The following OLFML2A variants were observed in gnomAD, a reference collection of about 807,000 sequenced individuals.
The protein encoded by OLFML2A is olfactomedin like 2A.
OLFML2A carries 47 observed loss-of-function variants against 60.9 expected under a neutral mutation model. The observed-to-expected ratio is 0.77, with a 90% CI of 0.61 to 0.98. OLFML2A has a LOEUF of 0.98. OLFML2A is among the 50% of genes least tolerant of loss of function. OLFML2A has a pLI of 0.00. For synonymous variants in OLFML2A, 372 were observed against 375.0 expected (o/e 0.99, Z 0.09); for missense variants, 922 against 879.8 (o/e 1.05, Z -0.61).
intron 7 of OLFML2A, among the ~76,000 whole-genome samples, chr9:124,808,805 G>A (rs1422998874): frequency 6.6e-6 from 1 of 152,006 alleles, no homozygotes; most frequent in Non-Finnish European, 1.5e-5. Flanking sequence ...GGGCAGGCCT[G>A]GTGAGCCAGA....
chr9:124,786,091 G>T (rs886330474), intron 1 of OLFML2A, among the ~76,000 whole-genome samples: 3 of 152,102 alleles, frequency 2.0e-5, no homozygotes, highest in African/African-American at 7.2e-5. Context: ...TCCAACCTGG[G>T]CCAAACAGCA....
intron 2 of OLFML2A, among the ~76,000 whole-genome samples, chr9:124,792,991 G>T (rs1476457867): frequency 6.6e-6 from 1 of 152,222 alleles, no homozygotes; most frequent in Non-Finnish European, 1.5e-5. Context: ...TTCCAGCACA[G>T]CCTCCCGCCC....
chr9:124,809,928 G>A lies in OLFML2A; in HGVS notation c.1475G>A (p.Arg492Gln), dbSNP rs778599770. 49 of 1,614,052 alleles carry A rather than the reference G, an allele frequency of 3.0e-5. No homozygotes were observed. In the Middle Eastern group the frequency reaches 1.5e-3, roughly 49 times the overall value. ...AAGAACATCATCAAGTACGACCTAC[G>A]GCAGCGCTTCGTGGCCTCCTGGGCG... is the stretch of plus-strand genomic sequence containing the variant. ...FTKNIIKYDL[R>Q]QRFVASWALL... Residue 492 changes from arginine to glutamine, a missense_variant, in exon 8 of 8, where the codon CGG (arginine) becomes CAG (glutamine). Transcript: ENST00000373580.
In OLFML2A at chr9:124,777,468, C is replaced by T. The variant is rs1841279673; in HGVS notation, c.90+108C>T. Reference sequence around the variant, plus strand: ...GAGCCCGGGGCCAGGGCGGAGGAGCCGGGAGCTGAGAGACCGAACCTGGGA... The same window carrying T: ...GAGCCCGGGGCCAGGGCGGAGGAGCTGGGAGCTGAGAGACCGAACCTGGGA... On this transcript the variant is annotated intron_variant, in intron 1 of 7. Transcript: ENST00000373580. The surrounding 1 kb of genome is among the most constrained non-coding windows in gnomAD (Gnocchi z 6.2). 9 of 1,131,922 alleles carry T rather than the reference C, an allele frequency of 8.0e-6. No individual in the cohort carries two copies. The South Asian group carries it at 3.6e-4, about 45-fold the overall frequency. The allele number at this position is 1,131,922 out of a possible 1,614,324, so 70.1% of individuals were successfully genotyped here. A position where few individuals can be genotyped will look rare whatever the true frequency, so the allele number is the denominator to read the frequency against.
rs1003259682 is a variant in OLFML2A at position 124,777,408 on chromosome 9, G to A, written c.90+48G>A. The A allele has an allele frequency of 8.2e-7, 1 of 1,224,420 alleles. No individual in the cohort carries two copies. The highest frequency in any genetic ancestry group is 1.0e-6 in the Non-Finnish European group (1 of 982,272). 75.8% of individuals were successfully genotyped at this position (1,224,420 alleles called of 1,614,324 possible). A position where few individuals can be genotyped will look rare whatever the true frequency, so the allele number is the denominator to read the frequency against. ...CGCGGCTCGGCGGGTAGCGGGGCGC[G>A]AGGGGGCGCTGTGGCTGGGGTGCGG... is the stretch of plus-strand genomic sequence containing the variant. On this transcript the variant is annotated intron_variant, in intron 1 of 7. Coordinates refer to ENST00000373580, the MANE Select transcript of OLFML2A (RefSeq NM_182487.4). This position sits in a 1 kb window ranked among gnomAD's most constrained non-coding sequence, Gnocchi z 6.2.
At chr9:124,791,016 C>A (rs1209323683) in intron 2 of OLFML2A, among the ~76,000 whole-genome samples, 1 of 152,178 alleles carries the variant, frequency 6.6e-6, no homozygotes, top group African/African-American at 2.4e-5. Context: ...TGGAGGGTGC[C>A]TTTTCACCTC....
intron 6 of OLFML2A, among the ~76,000 whole-genome samples, chr9:124,806,103 T>G (rs1260012009): frequency 6.6e-6 from 1 of 151,850 alleles, no homozygotes; most frequent in African/African-American, 2.4e-5. Context: ...CAGAAGAAAA[T>G]TTTTCTCTGG....
chr9:124,814,772 C>A lies in OLFML2A; in HGVS notation c.*4360C>A, dbSNP rs1842083839. ...TTTCTGCTTTTACCTTTACCCTAAT[C>A]TTTTTATTTTTATGCTATTGTACTT... On this transcript the variant is annotated 3_prime_UTR_variant, in exon 8 of 8. Transcript: ENST00000373580. The A allele has an allele frequency of 6.6e-6, 1 of 152,100 alleles. No individual in the cohort carries two copies. Among genetic ancestry groups the A allele is most frequent in the Non-Finnish European group, 1.5e-5 (1 of 68,012 alleles). The allele number at this position is 152,100 out of a possible 1,614,324, so 9.4% of individuals were successfully genotyped here.
At chr9:124,805,781 ATTGTTG>A (rs974310542) in intron 6 of OLFML2A, among the ~76,000 whole-genome samples, 2 of 87,932 alleles carry the variant, frequency 2.3e-5, no homozygotes, top group Non-Finnish European at 5.2e-5. Context: ...TTTTATTATT[ATTGTTG>A]TTGTTGTTTT....
At position 124,779,072 on chromosome 9, in the gene OLFML2A, A is replaced by G. The variant is rs1003336325; in HGVS notation, c.90+1712A>G. On this transcript the variant is annotated intron_variant, in intron 1 of 7. Transcript: ENST00000373580. This position sits in a 1 kb window ranked among gnomAD's most constrained non-coding sequence, Gnocchi z 4.1. ...AAAGCACCCACGTACAACGCTGCTC[A>G]TGTACTCCAGAGACAAGGAGGGAAT... 4 of 368,346 alleles carry G rather than the reference A, an allele frequency of 1.1e-5. No individual in the cohort carries two copies. The highest frequency in any genetic ancestry group is 1.5e-5 in the Non-Finnish European group (4 of 266,112). The allele number at this position is 368,346 out of a possible 1,614,324, so 22.8% of individuals were successfully genotyped here.
At position 124,810,431 on chromosome 9, in the gene OLFML2A, C is replaced by G. The variant is rs7020260; in HGVS notation, c.*19C>G. 1 allele frequency: 1,570,745 copies of G among 1,576,682 alleles called. 782,577 individuals carry two copies. The highest frequency in any genetic ancestry group is 1 in the East Asian group (44,446 of 44,446). On this transcript the variant is annotated 3_prime_UTR_variant, in exon 8 of 8. Coordinates refer to ENST00000373580, the MANE Select transcript of OLFML2A (RefSeq NM_182487.4). ...GGTCTGAGTGGAGACCTGTGCTCCCCGGAGAGGGGCAGCAGTGCGGGAGGG... is the reference window on the plus strand; with the variant it reads ...GGTCTGAGTGGAGACCTGTGCTCCCGGGAGAGGGGCAGCAGTGCGGGAGGG...
chr9:124,783,703 A>G (rs918696455), intron 1 of OLFML2A, among the ~76,000 whole-genome samples: 3 of 152,176 alleles, frequency 2.0e-5, no homozygotes, highest in African/African-American at 7.2e-5. Flanking sequence ...ATGCAGGCTC[A>G]TTTACCCAAC....
intron 6 of OLFML2A, among the ~76,000 whole-genome samples, chr9:124,806,251 G>A (rs1261435096): frequency 6.6e-6 from 1 of 152,068 alleles, no homozygotes; most frequent in African/African-American, 2.4e-5. Flanking sequence ...AAAATTGTAT[G>A]TGTTCATTTG....
Position 124,809,934 on chromosome 9 carries a change from G to C in OLFML2A, c.1481G>C (p.Arg494Pro). 1 of 1,614,164 alleles carries C rather than the reference G, an allele frequency of 6.2e-7. No homozygotes were observed. The highest frequency in any genetic ancestry group is 8.5e-7 in the Non-Finnish European group (1 of 1,180,030). Reference protein sequence around the residue: ...KNIIKYDLRQRFVASWALLPD... With the variant: ...KNIIKYDLRQPFVASWALLPD... ...ATCATCAAGTACGACCTACGGCAGC[G>C]CTTCGTGGCCTCCTGGGCGCTGCTG... The change falls in exon 8 of 8, where the codon CGC (arginine) becomes CCC (proline). Residue 494 changes from arginine (R) to proline (P), a missense_variant. By Grantham distance (103) the Arg-to-Pro change is moderately radical (BLOSUM62 -2). Coordinates refer to ENST00000373580, the MANE Select transcript of OLFML2A (RefSeq NM_182487.4).
intron 7 of OLFML2A, among the ~76,000 whole-genome samples, chr9:124,809,581 C>T (rs938573895): frequency 4.0e-5 from 6 of 151,724 alleles, no homozygotes; most frequent in Non-Finnish European, 7.4e-5. Context: ...CAGAGCTGGG[C>T]GACCTTGATC....
Position 124,807,854 on chromosome 9 carries a change from C to T in OLFML2A, c.1242C>T (p.His414=), listed in dbSNP as rs767514710. ...TGAGGCACCACAGCTATGGGCGCCACGAGGGAGCCTGGATGAAGGACCCTG... is the reference window on the plus strand; with the variant it reads ...TGAGGCACCACAGCTATGGGCGCCATGAGGGAGCCTGGATGAAGGACCCTG... The part of the protein sequence containing the change: ...PPVRHHSYGR[H]EGAWMKDPAA... The change falls in exon 7 of 8, where the codon CAC becomes CAT. Residue 414 remains histidine (H), a synonymous_variant. Coordinates refer to ENST00000373580, the MANE Select transcript of OLFML2A (RefSeq NM_182487.4). 3.5e-5 allele frequency: 57 copies of T among 1,613,910 alleles called. 1 individual carries two copies. The South Asian group carries it at 4.5e-4, about 13-fold the overall frequency.
chr9:124,780,305 T>G (rs1841337790), intron 1 of OLFML2A, among the ~76,000 whole-genome samples: 1 of 152,192 alleles, frequency 6.6e-6, no homozygotes, highest in African/African-American at 2.4e-5. Context: ...CTACCTCAGT[T>G]TCCCCATCTG....
rs192140223 is a variant in OLFML2A, at chr9:124,810,714, G to A, written c.*302G>A. 5.7e-4 allele frequency: 241 copies of A among 419,322 alleles called. 1 individual carries two copies. Among genetic ancestry groups the A allele is most frequent in the African/African-American group, 4.5e-3 (225 of 50,254 alleles). 26.0% of individuals were successfully genotyped at this position (419,322 alleles called of 1,614,324 possible). ...GAGGAGACAGGCTCAGAGAGGCACC[G>A]TCCCTTGCCTAACACCTCAGTTGTG... On this transcript the variant is annotated 3_prime_UTR_variant, in exon 8 of 8. Coordinates refer to ENST00000373580, the MANE Select transcript of OLFML2A (RefSeq NM_182487.4).
At chr9:124,801,727 ATCT>A in intron 5 of OLFML2A, 64 bp downstream of exon 5, 1 of 1,537,768 alleles carries the variant, frequency 6.5e-7, no homozygotes, top group Non-Finnish European at 8.9e-7. Flanking sequence ...GAATCCCCTC[ATCT>A]TCTCTGCAGT....
Sources: allele counts gnomAD v4.1 joint callset (sites outside exome capture counted in the v4.1 genomes callset), GRCh38; gene constraint gnomAD v4.1.1; non-coding constraint Gnocchi (gnomAD v3.1); transcripts MANE v1.5; gene names NCBI Gene and HGNC (gene_info 2026-07-23, HGNC 2026-07-21).